SPG11: variants seen among roughly 807,000 people sequenced by gnomAD.
SPG11 encodes SPG11 vesicle trafficking associated, spatacsin, also known as spatacsin.
A neutral mutation model predicts 274.0 loss-of-function variants in SPG11; 222 were observed. The ratio of observed to expected loss-of-function variants is 0.81; its 90% CI spans 0.73 to 0.91. The LOEUF (loss-of-function observed/expected upper bound fraction) is 0.91, where lower values mean the gene tolerates loss of function less well. SPG11 is among the 40% of genes least tolerant of loss of function. The pLI, the probability that SPG11 is intolerant of heterozygous loss-of-function variation, is 0.00. For synonymous variants in SPG11, 1,144 were observed against 1,039.7 expected, an observed-to-expected ratio of 1.10 and a Z score of -1.93; for missense variants, 3,114 against 2,872.7, an observed-to-expected ratio of 1.08 and a Z score of -1.92.
intron 7 of SPG11, among the ~76,000 whole-genome samples, chr15:44,646,994 TA>T (rs1362207591): frequency 2.0e-5 from 3 of 152,222 alleles, no homozygotes; most frequent in African/African-American, 7.2e-5. Context: ...AAAAAAATTT[TA>T]AAAAGGTGAA....
In SPG11 at chr15:44,629,202, G is replaced by C. The variant is rs773820876; in HGVS notation, c.1891+31C>G. On this transcript the variant is annotated intron_variant, in intron 9 of 39. Transcript: ENST00000261866. ...TATCTGTTCTGACACAGGAACAGTA[G>C]AATTGCCCCCTTCCTAGCTGCTATT... The C allele has an allele frequency of 6.2e-6, 10 of 1,610,568 alleles. No individual in the cohort carries two copies. In the Admixed American group the frequency reaches 1.2e-4, roughly 19 times the overall value.
chr15:44,590,564 A>G (rs1201505263), intron 27 of SPG11: 2 of 152,060 alleles, frequency 1.3e-5, no homozygotes, highest in Non-Finnish European at 2.9e-5. Context: ...CTATGATGAT[A>G]GCGCCCAACA....
At chr15:44,569,610 G>T in intron 34 of SPG11, 105 bp from the exon 35 acceptor site, 1 of 829,728 alleles carries the variant, frequency 1.2e-6, no homozygotes, top group Non-Finnish European at 2.0e-6. Context: ...AGCTCCAGGA[G>T]GAGAAGGGCT....
intron 16 of SPG11, among the ~76,000 whole-genome samples, chr15:44,614,076 C>G (rs1034729399): frequency 5.3e-5 from 8 of 152,126 alleles, no homozygotes; most frequent in African/African-American, 1.9e-4. Flanking sequence ...TACACAACTA[C>G]AGAGAGGTTA....
In SPG11 at chr15:44,620,683, T is replaced by G. The variant is rs181123486; in HGVS notation, c.2621-280A>C. On this transcript the variant is annotated intron_variant, in intron 14 of 39. Transcript: ENST00000261866. The stretch of plus-strand genomic sequence containing the variant: ...CCAAGTAGCAGGGACTACAGGGATG[T>G]GCCATCATGACCAGGTAAATTTTTT... The G allele has an allele frequency of 1.8e-4, 59 of 335,092 alleles. 1 individual carries two copies. The East Asian group carries it at 3.6e-3, about 20-fold the overall frequency. 20.8% of individuals were successfully genotyped at this position (335,092 alleles called of 1,614,324 possible).
intron 7 of SPG11, among the ~76,000 whole-genome samples, chr15:44,641,007 C>A (rs1462190880): frequency 6.6e-6 from 1 of 152,144 alleles, no homozygotes; most frequent in Non-Finnish European, 1.5e-5. Context: ...GGATTACAGG[C>A]GTGAGCCACC....
At chr15:44,587,378 A>G (rs1466245086) in intron 28 of SPG11, among the ~76,000 whole-genome samples, 1 of 152,150 alleles carries the variant, frequency 6.6e-6, no homozygotes, top group African/African-American at 2.4e-5. Flanking sequence ...GCACAATCAT[A>G]TAAAACACGT....
intron 28 of SPG11, among the ~76,000 whole-genome samples, chr15:44,588,289 A>T (rs2082818233): frequency 6.6e-6 from 1 of 151,504 alleles, no homozygotes; most frequent in Non-Finnish European, 1.5e-5. Flanking sequence ...ATCTTGAGGA[A>T]TCTGCAAAAA....
At chr15:44,579,940 G>A (rs1410508588) in intron 30 of SPG11, among the ~76,000 whole-genome samples, 2 of 152,120 alleles carry the variant, frequency 1.3e-5, no homozygotes, top group Non-Finnish European at 2.9e-5. Context: ...TAGCCTAAAT[G>A]TACAGCATTT....
rs746960478 is a variant in SPG11, at chr15:44,572,698, C to T, written c.6328G>A (p.Gly2110Arg). 15 of 1,614,020 alleles carry T rather than the reference C, an allele frequency of 9.3e-6. No individual in the cohort carries two copies. The South Asian group carries it at 1.5e-4, about 17-fold the overall frequency. Residue 2110 changes from glycine (G) to arginine (R), a missense_variant, in exon 33 of 40, where the codon GGG becomes AGG. Physicochemically the swap from Gly to Arg is moderately radical, Grantham distance 125. Coordinates refer to ENST00000261866, the MANE Select transcript of SPG11 (RefSeq NM_025137.4). ...AATAACTTACTGCAAGACAGTTCCC[C>T]ATGGGGAACGGAGGAAATCTTATCC... The part of the protein sequence containing the change: ...LLDKISSVPH[G>R]ELSCTTELLI...
intron 38 of SPG11, 31 bp downstream of exon 38, chr15:44,565,823 A>C (rs748291614): frequency 5.6e-6 from 9 of 1,613,368 alleles, no homozygotes; most frequent in Non-Finnish European, 7.6e-6. Flanking sequence ...GGATGCTAGC[A>C]GTGCTGGCTA....
intron 8 of SPG11, among the ~76,000 whole-genome samples, chr15:44,630,740 T>A (rs188309718): frequency 1.3e-5 from 2 of 151,980 alleles, no homozygotes; most frequent in African/African-American, 4.8e-5. Flanking sequence ...CCACCACACA[T>A]GGCTAATTTT....
intron 15 of SPG11, among the ~76,000 whole-genome samples, chr15:44,617,426 T>A (rs2083617082): frequency 6.6e-6 from 1 of 152,194 alleles, no homozygotes; most frequent in African/African-American, 2.4e-5. Flanking sequence ...TCTGATTAGA[T>A]TTTTTTCCCC....
intron 26 of SPG11, among the ~76,000 whole-genome samples, chr15:44,592,825 A>C (rs1032187370): frequency 2.0e-5 from 3 of 152,010 alleles, no homozygotes; most frequent in African/African-American, 7.3e-5. Flanking sequence ...GTCTCAATAA[A>C]TAAATAAATA....
At chr15:44,630,405 A>C (rs1035279186) in intron 8 of SPG11, among the ~76,000 whole-genome samples, 9 of 152,300 alleles carry the variant, frequency 5.9e-5, no homozygotes, top group African/African-American at 2.2e-4. Flanking sequence ...ACTAACCACC[A>C]AACAACAGAA....
Position 44,596,750 on chromosome 15 carries a change from C to G in SPG11, c.4161+34G>C, listed in dbSNP as rs150194079. On this transcript the variant is annotated intron_variant, in intron 24 of 39. Transcript: ENST00000261866. ...TATCTTCTAAGAAGTGTTCCTATTT[C>G]CTTTTGAGTGACTGCTAACAATTAG... The G allele has an allele frequency of 3.4e-4, 488 of 1,455,522 alleles. 4 individuals carry two copies. The Middle Eastern group carries it at 5.3e-3, about 16-fold the overall frequency. 90.2% of individuals were successfully genotyped at this position (1,455,522 alleles called of 1,614,324 possible).
chr15:44,578,124 A>C (rs2140937091), intron 30 of SPG11, among the ~76,000 whole-genome samples: 1 of 143,518 alleles, frequency 7.0e-6, no homozygotes, highest in South Asian at 2.2e-4. Flanking sequence ...TCCCGGGTTC[A>C]CACCATTCTC....
chr15:44,623,457 A>G (rs1418256062), intron 11 of SPG11, among the ~76,000 whole-genome samples: 1 of 152,158 alleles, frequency 6.6e-6, no homozygotes. Context: ...GCACCTCCTG[A>G]AAGTTACCAT....
At position 44,611,091 on chromosome 15, in the gene SPG11, T is replaced by TAAAAAAA. The variant is rs35831490; in HGVS notation, c.3146-113_3146-107dup. 91 of 70,078 alleles carry TAAAAAAA rather than the reference T, an allele frequency of 1.3e-3. 3 individuals are homozygous for TAAAAAAA. The highest frequency in any genetic ancestry group is 5.5e-3 in the African/African-American group (81 of 14,728). The allele number at this position is 70,078 out of a possible 1,614,324, so 4.3% of individuals were successfully genotyped here. On this transcript the variant is annotated intron_variant, in intron 17 of 39. Coordinates refer to ENST00000261866, the MANE Select transcript of SPG11 (RefSeq NM_025137.4). ...CATAAATTTTTAACTCTATCCCCAG[T>TAAAAAAA]AAAAAAAAAAAAAAAAAAAAAAAAA...
Sources: allele counts gnomAD v4.1 joint callset (sites outside exome capture counted in the v4.1 genomes callset), GRCh38; gene constraint gnomAD v4.1.1; transcripts MANE v1.5; gene names NCBI Gene and HGNC (gene_info 2026-07-23, HGNC 2026-07-21).